The following ADAMTSL1 variants were observed in gnomAD, a reference collection of about 807,000 sequenced individuals.
The protein encoded by ADAMTSL1 is ADAMTS like 1.
Under a neutral mutation model 201.8 loss-of-function variants are expected in ADAMTSL1, and 126 were observed. The ratio of observed to expected loss-of-function variants is 0.62; its 90% CI spans 0.54 to 0.72. ADAMTSL1 has a LOEUF of 0.72. ADAMTSL1 is among the 30% of genes least tolerant of loss of function. The probability of loss-of-function intolerance (pLI) is 0.00; values close to 1 mark genes in which losing one functional copy is unlikely to be tolerated. For missense variants in ADAMTSL1, 2,679 were observed against 2,277.8 expected, an observed-to-expected ratio of 1.18 and a Z score of -3.59; for synonymous variants, 1,121 against 903.4, an observed-to-expected ratio of 1.24 and a Z score of -4.32.
chr9:18,737,961 C>G (rs1818614074), intron 15 of ADAMTSL1, among the ~76,000 whole-genome samples: 2 of 152,178 alleles, frequency 1.3e-5, no homozygotes, highest in African/African-American at 4.8e-5. Flanking sequence ...TTTAACCCCT[C>G]TCTGTCCTCA....
At chr9:18,542,742 C>G (rs117524157) in intron 3 of ADAMTSL1, among the ~76,000 whole-genome samples, 2,450 of 152,278 alleles carry the variant, frequency 0.016, 29 homozygotes, top group Middle Eastern at 0.041. Context: ...TATGGCAACC[C>G]TAGTCAACTA....
chr9:18,757,001 A>G (rs1008192479), intron 16 of ADAMTSL1, among the ~76,000 whole-genome samples: 1 of 151,144 alleles, frequency 6.6e-6, no homozygotes, highest in Non-Finnish European at 1.5e-5. Context: ...AGGACCTAGC[A>G]TGGAGTTCAA....
rs149849532 is a variant in ADAMTSL1 at position 18,432,267 on chromosome 9, T to A, written c.208-72562T>A. On this transcript the variant is annotated intron_variant, in intron 2 of 29. Transcript: ENST00000680146. ...CGAGTCTTTCACATATCTCTTTATA[T>A]TGGCATTAATATACTAGTTTCTATA... 1.1e-3 allele frequency among the ~76,000 whole-genome samples: 174 copies of A among 152,318 alleles called. 1 individual carries two copies. The highest frequency in any genetic ancestry group is 3.8e-3 in the African/African-American group (160 of 41,574).
At chr9:18,043,965 C>T (rs555080886) in intron 1 of ADAMTSL1, among the ~76,000 whole-genome samples, 1 of 147,576 alleles carries the variant, frequency 6.8e-6, no homozygotes, top group African/African-American at 2.5e-5. Context: ...CCATGCTATA[C>T]CCCTCTTCAT....
chr9:18,563,034 T>C (rs555095483), intron 3 of ADAMTSL1, among the ~76,000 whole-genome samples: 70 of 152,328 alleles, frequency 4.6e-4, no homozygotes, highest in Non-Finnish European at 7.6e-4. Context: ...ATCAAACTCA[T>C]TCCCCATCCA....
intron 1 of ADAMTSL1, among the ~76,000 whole-genome samples, chr9:17,983,369 C>G (rs1013016947): frequency 2.0e-5 from 3 of 151,882 alleles, no homozygotes; most frequent in African/African-American, 7.2e-5. Flanking sequence ...TCGCCCGGCC[C>G]CTTTTCAACT....
At chr9:18,647,896 A>C (rs571604984) in intron 7 of ADAMTSL1, among the ~76,000 whole-genome samples, 1 of 150,266 alleles carries the variant, frequency 6.7e-6, no homozygotes, top group African/African-American at 2.4e-5. Context: ...GTAGATGTCT[A>C]TTAGGTCCGC....
At chr9:18,681,787 CCT>C (rs771898245) in intron 11 of ADAMTSL1, 23 bp from the exon 12 acceptor site, 10 of 1,571,222 alleles carry the variant, frequency 6.4e-6, no homozygotes, top group African/African-American at 5.5e-5. Context: ...CTACGAGTCT[CCT>C]CTCTCTTGCA....
intron 2 of ADAMTSL1, among the ~76,000 whole-genome samples, chr9:18,409,664 A>G (rs2133305425): frequency 6.6e-6 from 1 of 150,916 alleles, no homozygotes; most frequent in African/African-American, 2.4e-5. Context: ...ATTCCCAGTT[A>G]AAACTCATGG....
chr9:18,791,281 G>GT (rs1436371275), intron 19 of ADAMTSL1, among the ~76,000 whole-genome samples: 1 of 152,180 alleles, frequency 6.6e-6, no homozygotes, highest in African/African-American at 2.4e-5. Flanking sequence ...GCTCCGCCTA[G>GT]TGGCAGCCTT....
intron 2 of ADAMTSL1, among the ~76,000 whole-genome samples, chr9:18,297,355 C>CT (rs1563867631): frequency 1.3e-5 from 2 of 150,804 alleles, no homozygotes. Flanking sequence ...TAACTTTTTT[C>CT]TTTTTTTCTT....
chr9:18,528,507 T>C (rs1231872981), intron 2 of ADAMTSL1, among the ~76,000 whole-genome samples: 2 of 152,170 alleles, frequency 1.3e-5, no homozygotes, highest in Non-Finnish European at 2.9e-5. Flanking sequence ...GGTTTCCAGC[T>C]CCATCCATGT....
intron 7 of ADAMTSL1, among the ~76,000 whole-genome samples, chr9:18,653,450 C>T (rs566801837): frequency 6.6e-6 from 1 of 152,280 alleles, no homozygotes; most frequent in East Asian, 1.9e-4. Flanking sequence ...TACTGCCCTA[C>T]TCAAGGGTTG....
At chr9:17,928,881 T>G (rs754941457) in intron 1 of ADAMTSL1, among the ~76,000 whole-genome samples, 1 of 152,040 alleles carries the variant, frequency 6.6e-6, no homozygotes, top group African/African-American at 2.4e-5. Context: ...ACAGACAAGG[T>G]AGAATTTTAG....
At chr9:18,008,522 A>T (rs938469106) in intron 1 of ADAMTSL1, among the ~76,000 whole-genome samples, 1 of 151,892 alleles carries the variant, frequency 6.6e-6, no homozygotes, top group African/African-American at 2.4e-5. Context: ...AACAATCCCA[A>T]ATATTAGGGG....
intron 2 of ADAMTSL1, among the ~76,000 whole-genome samples, chr9:18,525,856 A>G (rs1434027269): frequency 6.6e-6 from 1 of 152,208 alleles, no homozygotes; most frequent in Non-Finnish European, 1.5e-5. Flanking sequence ...GGAGAGCTTT[A>G]CTTCCAACAA....
chr9:18,216,988 G>A (rs1830078952), intron 2 of ADAMTSL1, among the ~76,000 whole-genome samples: 1 of 151,956 alleles, frequency 6.6e-6, no homozygotes, highest in South Asian at 2.1e-4. Flanking sequence ...TAGATTGTTG[G>A]GAGTTGAGAT....
In ADAMTSL1 at chr9:18,431,387, C is replaced by G. The variant is rs540621123; in HGVS notation, c.208-73442C>G. On this transcript the variant is annotated intron_variant, in intron 2 of 29. Coordinates refer to the ADAMTSL1 transcript ENST00000680146. ...TCAGTGTGGCTCATTTTTCACAAGT[C>G]TCTCTTAGACTAAGCTTGTACATAT... Among the ~76,000 whole-genome samples, 290 of 152,274 alleles carry G rather than the reference C, an allele frequency of 1.9e-3. 2 individuals carry two copies. The highest frequency in any genetic ancestry group is 3.4e-3 in the Middle Eastern group (1 of 294).
chr9:18,503,115 A>T (rs1326089790), intron 1 of ADAMTSL1, among the ~76,000 whole-genome samples: 1 of 151,854 alleles, frequency 6.6e-6, no homozygotes, highest in Non-Finnish European at 1.5e-5. Context: ...AAATACATTC[A>T]CATTGTTTTG....
Sources: allele counts gnomAD v4.1 joint callset (sites outside exome capture counted in the v4.1 genomes callset), GRCh38; gene constraint gnomAD v4.1.1; transcripts MANE v1.5; gene names NCBI Gene and HGNC (gene_info 2026-07-23, HGNC 2026-07-21).